MTCL1: variants seen among roughly 807,000 people sequenced by gnomAD.
MTCL1 encodes microtubule crosslinking factor 1.
In MTCL1, 79 loss-of-function variants were observed where a neutral mutation model predicts 141.4. The observed-to-expected ratio is 0.56, with a 90% CI of 0.47 to 0.67. The LOEUF is 0.67. Ranked by LOEUF, MTCL1 falls within the 30% of genes least tolerant of loss-of-function variation. The probability of loss-of-function intolerance (pLI) is 0.00; values close to 1 mark genes in which losing one functional copy is unlikely to be tolerated. For synonymous variants in MTCL1, 914 were observed against 875.8 expected (o/e 1.04, Z -0.77); for missense variants, 2,177 against 2,113.9 (o/e 1.03, Z -0.59).
intron 10 of MTCL1, among the ~76,000 whole-genome samples, chr18:8,805,102 A>AAC (rs1555667504): frequency 6.8e-6 from 1 of 146,318 alleles, no homozygotes; most frequent in Non-Finnish European, 1.5e-5. Context: ...TTTATTTTTG[A>AAC]ATATATATAT....
At chr18:8,739,212 T>C (rs2096289023) in intron 4 of MTCL1, among the ~76,000 whole-genome samples, 1 of 152,096 alleles carries the variant, frequency 6.6e-6, no homozygotes, top group Non-Finnish European at 1.5e-5. Flanking sequence ...ACCACTGCAC[T>C]CCAGACTGGG....
chr18:8,708,592 C>T (rs780008975), intron 1 of MTCL1, among the ~76,000 whole-genome samples: 48 of 152,194 alleles, frequency 3.2e-4, no homozygotes, highest in Admixed American at 5.9e-4. Context: ...TTTACTGCAC[C>T]GGGATGCAGC....
At chr18:8,829,987 G>A (rs1413525868) in intron 16 of MTCL1, 23 of 985,292 alleles carry the variant, frequency 2.3e-5, no homozygotes, top group Non-Finnish European at 2.5e-5. Context: ...CAGGCGGAAC[G>A]GGATACGGTG....
chr18:8,766,111 G>A (rs893315105), intron 4 of MTCL1, among the ~76,000 whole-genome samples: 6 of 152,206 alleles, frequency 3.9e-5, no homozygotes, highest in African/African-American at 1.4e-4. Context: ...TGAGAAGCTG[G>A]TCATAGATTG....
intron 16 of MTCL1, 38 bp from the exon 15 acceptor site, chr18:8,831,569 G>T (rs772443388): frequency 9.7e-5 from 149 of 1,541,748 alleles, no homozygotes; most frequent in Non-Finnish European, 1.3e-4. Context: ...TGACACTGCC[G>T]GTCTGAGTAA....
At chr18:8,788,698 A>G (rs936070860) in intron 7 of MTCL1, among the ~76,000 whole-genome samples, 3 of 152,324 alleles carry the variant, frequency 2.0e-5, no homozygotes, top group Admixed American at 6.5e-5. Context: ...CTGCTCAGAC[A>G]CCACCATTCA....
In MTCL1 at chr18:8,720,060, G is replaced by T. The variant is rs534587488; in HGVS notation, c.199-278G>T. 2.9e-5 allele frequency: 9 copies of T among 315,308 alleles called. No individual in the cohort carries two copies. The East Asian group carries it at 3.7e-4, about 13-fold the overall frequency. 19.5% of individuals were successfully genotyped at this position (315,308 alleles called of 1,614,324 possible). On this transcript the variant is annotated intron_variant, in intron 3 of 16. Coordinates refer to ENST00000359865, the Ensembl canonical transcript of MTCL1. The stretch of plus-strand genomic sequence containing the variant: ...TAAAGCCATTTAAATTTAGCAGTTT[G>T]GGGGGGTTGGATACCAACTTTAGTG...
chr18:8,761,579 A>T (rs2096432875), intron 4 of MTCL1, among the ~76,000 whole-genome samples: 1 of 152,206 alleles, frequency 6.6e-6, no homozygotes, highest in African/African-American at 2.4e-5. Context: ...CATATGTATT[A>T]GTCCATTTTT....
In MTCL1 at chr18:8,809,499, A is replaced by C. The variant is rs1021907534; in HGVS notation, c.2604+2439A>C. On this transcript the variant is annotated intron_variant, in intron 11 of 16. Coordinates refer to ENST00000359865, the Ensembl canonical transcript of MTCL1. ...CATTGAGGAGGAGACTTTAGGCTTC[A>C]CCAGGCTGCCAGCTGGGTCCACGGT... 58 of 1,536,084 alleles carry C rather than the reference A, an allele frequency of 3.8e-5. 2 individuals are homozygous for C. The highest frequency in any genetic ancestry group is 4.4e-5 in the Non-Finnish European group (50 of 1,146,882).
intron 4 of MTCL1, among the ~76,000 whole-genome samples, chr18:8,740,596 C>T (rs1047957550): frequency 6.6e-6 from 1 of 152,182 alleles, no homozygotes; most frequent in African/African-American, 2.4e-5. Context: ...GATTTTCCTG[C>T]CTCAGCCTCC....
chr18:8,831,167 TC>T (rs1300859855), intron 16 of MTCL1: 1 of 991,332 alleles, frequency 1.0e-6, no homozygotes, highest in Non-Finnish European at 1.2e-6. Context: ...CTTTGTGGGC[TC>T]CCAGTAGATC....
At chr18:8,725,935 A>G (rs1229478970) in intron 4 of MTCL1, among the ~76,000 whole-genome samples, 31 of 151,014 alleles carry the variant, frequency 2.1e-4, no homozygotes, top group African/African-American at 5.6e-4. Context: ...GACTACAGGC[A>G]CCCGCCACCA....
exon 2 of MTCL1, chr18:8,717,952 G>A: frequency 2.0e-6 from 2 of 999,326 alleles, no homozygotes; most frequent in Non-Finnish European, 2.4e-6. Context: ...GAATTTTTGG[G>A]ACATTTGCAG....
intron 4 of MTCL1, among the ~76,000 whole-genome samples, chr18:8,728,720 CTTTTTTTTTTTTTTTT>C (rs34524200): frequency 3.4e-5 from 2 of 59,076 alleles, no homozygotes; most frequent in South Asian, 7.1e-4. Context: ...GTTGTCCATT[CTTTTTTTTTTTTTTTT>C]TTTTTTTTTT....
In MTCL1 at chr18:8,779,741, G is replaced by A. The variant is rs1225497063; in HGVS notation, c.417+1849G>A. Among the ~76,000 whole-genome samples the A allele has an allele frequency of 2.0e-5, 3 of 152,264 alleles. No homozygotes were observed. The highest frequency in any genetic ancestry group is 2.9e-5 in the Non-Finnish European group (2 of 68,014). The stretch of plus-strand genomic sequence containing the variant: ...TAGTCTTGGTGGCAGGCCTCATAGT[G>A]CATGTGTGGTTGTTAAGTAGAAATG... On this transcript the variant is annotated intron_variant, in intron 5 of 16. Coordinates refer to ENST00000359865, the Ensembl canonical transcript of MTCL1. The surrounding 1 kb of genome is among the most constrained non-coding windows in gnomAD (Gnocchi z 4.1).
chr18:8,825,108 C>T lies in MTCL1; in HGVS notation c.3598C>T (p.Arg1200Cys), dbSNP rs781258348. ...CGTGTTACACAGCCCGCCTGCCGTG[C>T]GCAGGGTCGACAGCATCACGGCGGC... Residue 1200 changes from arginine to cysteine, a missense_variant, in exon 15 of 17, where the codon CGC becomes TGC. Coordinates refer to ENST00000359865, the Ensembl canonical transcript of MTCL1. 2.8e-5 allele frequency: 45 copies of T among 1,602,432 alleles called. No individual in the cohort carries two copies. The African/African-American group carries it at 3.5e-4, about 12-fold the overall frequency.
chr18:8,809,908 G>A (rs570470108), intron 11 of MTCL1: 113 of 283,582 alleles, frequency 4.0e-4, no homozygotes, highest in African/African-American at 1.0e-3. Flanking sequence ...CATGGAGGAC[G>A]CTGCAGGACT....
intron 8 of MTCL1, 90 bp downstream of exon 7, chr18:8,793,210 G>C: frequency 6.4e-7 from 1 of 1,554,264 alleles, no homozygotes; most frequent in Admixed American, 1.7e-5. Flanking sequence ...AAAGAAGGCT[G>C]TCTGTTGCGT....
chr18:8,717,800 TGGACA>T (rs2096139344), intron 1 of MTCL1: 1 of 670,232 alleles, frequency 1.5e-6, no homozygotes, highest in Admixed American at 6.2e-5. Context: ...TGCATTCCTG[TGGACA>T]GCAAAGAGTG....
Sources: allele counts gnomAD v4.1 joint callset (sites outside exome capture counted in the v4.1 genomes callset), GRCh38; gene constraint gnomAD v4.1.1; non-coding constraint Gnocchi (gnomAD v3.1); transcripts MANE v1.5; gene names NCBI Gene and HGNC (gene_info 2026-07-23, HGNC 2026-07-21).